PKD1L3: variants seen among roughly 807,000 people sequenced by gnomAD.
PKD1L3 encodes the protein polycystin-1-like protein 3.
A neutral mutation model predicts 184.1 loss-of-function variants in PKD1L3; 239 were observed. That is an observed-to-expected ratio of 1.30 (90% confidence interval 1.17 to 1.45). The LOEUF is 1.45. Ranked by LOEUF, PKD1L3 falls within the 40% of genes most tolerant of loss-of-function variation. The pLI is 0.00. For synonymous variants in PKD1L3, 996 were observed against 778.8 expected (o/e 1.28, Z -4.64); for missense variants, 2,660 against 2,067.2 (o/e 1.29, Z -5.56).
chr16:71,959,080 G>A (rs1343030168), intron 16 of PKD1L3, among the ~76,000 whole-genome samples: 8 of 88,636 alleles, frequency 9.0e-5, no homozygotes, highest in South Asian at 1.0e-3. Context: ...CAAGACTCCC[G>A]TCTCAAAAAA....
chr16:71,990,220 T>A, intron 4 of PKD1L3, 60 bp downstream of exon 4: 1 of 1,378,700 alleles, frequency 7.3e-7, no homozygotes, highest in Non-Finnish European at 1.0e-6. Flanking sequence ...TAACCAGATC[T>A]ACTAGGTATG....
At chr16:71,964,566 C>G (rs915710999) in intron 15 of PKD1L3, among the ~76,000 whole-genome samples, 1 of 151,626 alleles carries the variant, frequency 6.6e-6, no homozygotes, top group African/African-American at 2.4e-5. Context: ...GTCTCGATCT[C>G]CTGACCTCGT....
At position 71,942,641 on chromosome 16, in the gene PKD1L3, G is replaced by T. The variant is rs768524934; in HGVS notation, c.4243C>A (p.Pro1415Thr). Residue 1415 changes from proline (P) to threonine (T), a missense_variant, in exon 24 of 30, where the codon CCC becomes ACC. Physicochemically the swap from Pro to Thr is conservative, Grantham distance 38. Coordinates refer to ENST00000620267, the MANE Select transcript of PKD1L3 (RefSeq NM_181536.2). ...TCATCAGTGGGAATCAGCACCATGG[G>T]CCTGGGTGAACAGATGTAACTGAAC... ...RRFSYICSPR[P>T]MVLIPTDELH... 5 of 1,551,588 alleles carry T rather than the reference G, an allele frequency of 3.2e-6. No individual in the cohort carries two copies. Among genetic ancestry groups the T allele is most frequent in the South Asian group, 2.4e-5 (2 of 84,068 alleles).
At chr16:71,988,039 G>A (rs2040441963) in intron 4 of PKD1L3, among the ~76,000 whole-genome samples, 1 of 148,508 alleles carries the variant, frequency 6.7e-6, no homozygotes, top group Non-Finnish European at 1.5e-5. Flanking sequence ...TAATGAGGCA[G>A]GAAGACAAAG....
intron 29 of PKD1L3, 75 bp downstream of exon 29, chr16:71,929,977 G>C: frequency 7.1e-7 from 1 of 1,414,876 alleles, no homozygotes; most frequent in East Asian, 2.5e-5. Flanking sequence ...ATGTCAGCCC[G>C]TCATCTTAGG....
intron 3 of PKD1L3, among the ~76,000 whole-genome samples, chr16:71,992,224 G>A (rs924174200): frequency 6.6e-6 from 1 of 152,174 alleles, no homozygotes; most frequent in Non-Finnish European, 1.5e-5. Context: ...TAGGCATATT[G>A]CTTGTTAGGT....
At chr16:71,993,182 G>A in intron 3 of PKD1L3, 34 bp downstream of exon 3, 2 of 1,412,032 alleles carry the variant, frequency 1.4e-6, no homozygotes, top group Non-Finnish European at 1.9e-6. Flanking sequence ...TGATTCCACG[G>A]ATTTTTAAGG....
At chr16:71,988,197 A>ATT (rs201009257) in intron 4 of PKD1L3, among the ~76,000 whole-genome samples, 1 of 150,606 alleles carries the variant, frequency 6.6e-6, no homozygotes, top group Non-Finnish European at 1.5e-5. Context: ...TCATTTGTAA[A>ATT]TTTTTTTTTT....
intron 12 of PKD1L3, among the ~76,000 whole-genome samples, chr16:71,972,480 T>A (rs2039753141): frequency 6.6e-6 from 1 of 152,024 alleles, no homozygotes; most frequent in Admixed American, 6.5e-5. Context: ...GCTCAGAAGT[T>A]CAAGACCAGC....
intron 28 of PKD1L3, among the ~76,000 whole-genome samples, chr16:71,931,412 A>G (rs1038037239): frequency 2.2e-5 from 3 of 134,032 alleles, no homozygotes; most frequent in Non-Finnish European, 4.9e-5. Context: ...CCTTATTTTT[A>G]TTTTTTAATT....
At chr16:71,938,157 G>A (rs1834036) in intron 24 of PKD1L3, among the ~76,000 whole-genome samples, 72,920 of 152,060 alleles carry the variant, frequency 0.48, 18,675 homozygotes, top group East Asian at 0.92. Context: ...CCCTGCCCCT[G>A]CAGGTTCAGA....
intron 26 of PKD1L3, 150 bp downstream of exon 26, chr16:71,935,208 C>A: frequency 1.2e-6 from 1 of 801,590 alleles, no homozygotes; most frequent in Non-Finnish European, 1.9e-6. Context: ...TCACTGTCTT[C>A]TCTGCTGTGG....
intron 16 of PKD1L3, among the ~76,000 whole-genome samples, chr16:71,962,523 C>T (rs138070522): frequency 1.3e-5 from 2 of 152,064 alleles, no homozygotes; most frequent in African/African-American, 4.8e-5. Flanking sequence ...GAGTTTCGCT[C>T]CGTTGCCCAG....
At chr16:71,934,151 C>T in intron 26 of PKD1L3, 26 bp from the exon 27 acceptor site, 3 of 1,549,706 alleles carry the variant, frequency 1.9e-6, no homozygotes. Flanking sequence ...CTGACAGTTA[C>T]TCAGCAAGAA....
At chr16:71,962,434 C>T (rs1451181468) in intron 16 of PKD1L3, among the ~76,000 whole-genome samples, 1 of 152,108 alleles carries the variant, frequency 6.6e-6, no homozygotes, top group East Asian at 1.9e-4. Context: ...TATATTATAC[C>T]GTTCTCCTGG....
chr16:71,953,290 G>C (rs779160580), intron 17 of PKD1L3, among the ~76,000 whole-genome samples, 197 bp from the exon 18 acceptor site: 5 of 152,154 alleles, frequency 3.3e-5, no homozygotes, highest in Admixed American at 2.0e-4. Context: ...GAGAAAATTT[G>C]TTAGAGTATT....
intron 16 of PKD1L3, among the ~76,000 whole-genome samples, chr16:71,959,006 C>T (rs1040423417): frequency 3.5e-5 from 5 of 141,620 alleles, no homozygotes; most frequent in Admixed American, 2.3e-4. Flanking sequence ...ATTGCTTGAA[C>T]GTGGGAGGCA....
At chr16:71,930,605 A>C (rs912928128) in intron 28 of PKD1L3, 3 of 153,110 alleles carry the variant, frequency 2.0e-5, no homozygotes, top group African/African-American at 7.2e-5. Context: ...ACACAGGAGC[A>C]TTCCAATAAA....
rs775210277 is a variant in PKD1L3 at position 71,969,981 on chromosome 16, C to T, written c.2078G>A (p.Arg693His). 55 of 1,551,656 alleles carry T rather than the reference C, an allele frequency of 3.5e-5. No homozygotes were observed. The highest frequency in any genetic ancestry group is 2.7e-4 in the Admixed American group (14 of 50,970). ...CACCCCAACAGGATTGTTGGTCACGCGAAGGAACAGTTTGATCGTGTCTTC... is the reference window on the plus strand; with the variant it reads ...CACCCCAACAGGATTGTTGGTCACGTGAAGGAACAGTTTGATCGTGTCTTC... Reference protein sequence around the residue: ...NVEDTIKLFLRVTNNPVGVSL... With the variant: ...NVEDTIKLFLHVTNNPVGVSL... The change falls in exon 13 of 30, where the codon CGC becomes CAC. Residue 693 changes from arginine (R) to histidine (H), a missense_variant. By Grantham distance (29) the Arg-to-His change is conservative. Coordinates refer to ENST00000620267, the MANE Select transcript of PKD1L3 (RefSeq NM_181536.2).
Sources: allele counts gnomAD v4.1 joint callset (sites outside exome capture counted in the v4.1 genomes callset), GRCh38; gene constraint gnomAD v4.1.1; transcripts MANE v1.5; gene names NCBI Gene and HGNC (gene_info 2026-07-23, HGNC 2026-07-21).